GRXCR2: variants seen among roughly 807,000 people sequenced by gnomAD.
The protein encoded by GRXCR2 is glutaredoxin domain-containing cysteine-rich protein 2.
Under a neutral mutation model 24.8 loss-of-function variants are expected in GRXCR2, and 23 were observed. That is an observed-to-expected ratio of 0.93 (90% CI 0.67 to 1.32). The LOEUF (loss-of-function observed/expected upper bound fraction) is 1.32. Ranked by LOEUF, GRXCR2 falls within the 40% of genes most tolerant of loss-of-function variation. The probability of loss-of-function intolerance (pLI) is 0.00; values close to 1 mark genes in which losing one functional copy is unlikely to be tolerated. For missense variants in GRXCR2, 315 were observed against 303.4 expected (o/e 1.04, Z -0.28); for synonymous variants, 130 against 116.1 (o/e 1.12, Z -0.77).
chr5:145,904,612 A>T (rs1325350825), intron 2 of GRXCR2, among the ~76,000 whole-genome samples: 1 of 152,206 alleles, frequency 6.6e-6, no homozygotes, highest in Non-Finnish European at 1.5e-5. Flanking sequence ...TCCTGGCAGG[A>T]GCCAGAAGAC....
intron 2 of GRXCR2, among the ~76,000 whole-genome samples, chr5:145,926,939 T>C (rs939042290): frequency 3.3e-5 from 5 of 152,228 alleles, no homozygotes; most frequent in African/African-American, 9.6e-5. Flanking sequence ...GAAGAGGTCC[T>C]TCACATCCCT....
At chr5:145,896,237 C>A (rs966320771) in intron 2 of GRXCR2, among the ~76,000 whole-genome samples, 105 of 152,274 alleles carry the variant, frequency 6.9e-4, no homozygotes, top group African/African-American at 2.5e-3. Context: ...GACTTCATGT[C>A]TAAAACACCA....
chr5:145,907,538 A>C (rs1053380421), intron 2 of GRXCR2, among the ~76,000 whole-genome samples: 2 of 151,980 alleles, frequency 1.3e-5, no homozygotes, highest in Non-Finnish European at 2.9e-5. Flanking sequence ...CAAAAAAAAA[A>C]AAGTAATAAT....
upstream of GRXCR2, among the ~76,000 whole-genome samples, chr5:145,873,431 C>A (rs528897424): frequency 1.3e-5 from 2 of 152,266 alleles, no homozygotes; most frequent in Admixed American, 6.5e-5. Context: ...CTCACGATAA[C>A]CCTACAAAGA....
intron 2 of GRXCR2, among the ~76,000 whole-genome samples, chr5:145,864,844 T>A (rs965868920): frequency 6.6e-6 from 1 of 152,134 alleles, no homozygotes; most frequent in Admixed American, 6.5e-5. Context: ...TCAGATTACA[T>A]TTAAAAATAT....
intron 2 of GRXCR2, among the ~76,000 whole-genome samples, chr5:145,928,904 T>TAA (rs76082631): frequency 1.3e-5 from 2 of 150,182 alleles, no homozygotes; most frequent in East Asian, 2.0e-4. Flanking sequence ...TAAAGTATAA[T>TAA]AAAAAAAAAG....
At chr5:145,891,508 T>A (rs192603080) in intron 2 of GRXCR2, among the ~76,000 whole-genome samples, 8 of 152,008 alleles carry the variant, frequency 5.3e-5, no homozygotes, top group Non-Finnish European at 1.0e-4. Context: ...GCTCGGAGGG[T>A]CCTACGCCCA....
At chr5:145,899,806 A>G (rs371689911) in intron 2 of GRXCR2, among the ~76,000 whole-genome samples, 1 of 152,202 alleles carries the variant, frequency 6.6e-6, no homozygotes, top group Non-Finnish European at 1.5e-5. Context: ...TAAGAATCCT[A>G]GAAGAACACC....
intron 2 of GRXCR2, among the ~76,000 whole-genome samples, chr5:145,921,910 A>G (rs572961541): frequency 6.6e-6 from 1 of 152,310 alleles, no homozygotes; most frequent in South Asian, 2.1e-4. Context: ...TTTTCACTTA[A>G]AGGCATGGTA....
At chr5:145,918,432 C>G (rs933156357) in intron 2 of GRXCR2, among the ~76,000 whole-genome samples, 3 of 152,136 alleles carry the variant, frequency 2.0e-5, no homozygotes, top group Non-Finnish European at 2.9e-5. Flanking sequence ...GTAACTTAGA[C>G]GTAAGTTACT....
At chr5:145,867,878 T>A (rs888379025) in intron 1 of GRXCR2, among the ~76,000 whole-genome samples, 1 of 151,948 alleles carries the variant, frequency 6.6e-6, no homozygotes, top group African/African-American at 2.4e-5. Flanking sequence ...GTGGTAAACA[T>A]GTGTTGTCCT....
At chr5:145,922,040 C>T (rs1757329107) in intron 2 of GRXCR2, among the ~76,000 whole-genome samples, 1 of 152,148 alleles carries the variant, frequency 6.6e-6, no homozygotes, top group Non-Finnish European at 1.5e-5. Flanking sequence ...GAATCTCTGT[C>T]ACTCCCTAAG....
chr5:145,907,473 G>T (rs972587781), intron 2 of GRXCR2, among the ~76,000 whole-genome samples: 1 of 151,904 alleles, frequency 6.6e-6, no homozygotes, highest in Non-Finnish European at 1.5e-5. Flanking sequence ...AGGTTGCAGT[G>T]AGCTGAGATC....
At chr5:145,892,010 C>A (rs949180208) in intron 2 of GRXCR2, among the ~76,000 whole-genome samples, 1 of 152,120 alleles carries the variant, frequency 6.6e-6, no homozygotes. Context: ...ACTGCTGATA[C>A]CCAGGCAAAC....
chr5:145,882,772 C>T (rs1280172714), intron 2 of GRXCR2, among the ~76,000 whole-genome samples: 7 of 152,048 alleles, frequency 4.6e-5, no homozygotes, highest in Admixed American at 4.6e-4. Context: ...GGAACCAACC[C>T]AAATGTCCAT....
intron 1 of GRXCR2, among the ~76,000 whole-genome samples, chr5:145,869,651 G>A (rs767986421): frequency 4.0e-5 from 6 of 151,038 alleles, no homozygotes; most frequent in Admixed American, 6.6e-5. Context: ...TCCGCCTCAC[G>A]GGTTCACACC....
intron 2 of GRXCR2, among the ~76,000 whole-genome samples, chr5:145,905,602 C>G (rs1757080746): frequency 6.6e-6 from 1 of 152,074 alleles, no homozygotes; most frequent in Non-Finnish European, 1.5e-5. Flanking sequence ...AATGCTGCTT[C>G]AAGAGAGGAA....
At chr5:145,917,062 C>CTTTT (rs34794205) in intron 2 of GRXCR2, among the ~76,000 whole-genome samples, 1 of 142,402 alleles carries the variant, frequency 7.0e-6, no homozygotes, top group African/African-American at 2.6e-5. Flanking sequence ...TCCTAAGCAT[C>CTTTT]TTTTTTTTTT....
At chr5:145,861,543 G>A (rs1327160810) in intron 2 of GRXCR2, among the ~76,000 whole-genome samples, 1 of 151,996 alleles carries the variant, frequency 6.6e-6, no homozygotes, top group Non-Finnish European at 1.5e-5. Flanking sequence ...ATGGCCACCT[G>A]TACTGCCCCT....
Sources: allele counts gnomAD v4.1 joint callset (sites outside exome capture counted in the v4.1 genomes callset), GRCh38; gene constraint gnomAD v4.1.1; transcripts MANE v1.5; gene names NCBI Gene and HGNC (gene_info 2026-07-23, HGNC 2026-07-21).